The following SEMA6B variants were observed in gnomAD, a reference collection of about 807,000 sequenced individuals.
SEMA6B encodes semaphorin-6B.
Under a neutral mutation model 78.6 loss-of-function variants are expected in SEMA6B, and 47 were observed. The ratio of observed to expected loss-of-function variants is 0.60; its 90% confidence interval spans 0.47 to 0.76. The LOEUF (loss-of-function observed/expected upper bound fraction) is 0.76. Among genes scored for constraint, SEMA6B ranks in the 30% least tolerant of loss-of-function variants. The probability of loss-of-function intolerance (pLI) is 0.00; values close to 1 mark genes in which losing one functional copy is unlikely to be tolerated. For synonymous variants in SEMA6B, 632 were observed against 592.2 expected (o/e 1.07, Z -0.98); for missense variants, 1,213 against 1,269.9 (o/e 0.96, Z 0.68).
chr19:4,552,334 C>G lies in SEMA6B; in HGVS notation c.989+88G>C, dbSNP rs925385251. ...TAATCCAGTGGTGCCCAACCTAGCA[C>G]CCAGGGCATACCTGAGGAGTGAATA... is the stretch of plus-strand genomic sequence containing the variant. On this transcript the variant is annotated intron_variant, in intron 10 of 16. Transcript: ENST00000586582. This position sits in a 1 kb window ranked among gnomAD's most constrained non-coding sequence, Gnocchi z 7.4. 86 of 1,330,398 alleles carry G rather than the reference C, an allele frequency of 6.5e-5. No individual in the cohort carries two copies. Among genetic ancestry groups the G allele is most frequent in the African/African-American group, 2.9e-5 (2 of 68,358 alleles). 82.4% of individuals were successfully genotyped at this position (1,330,398 alleles called of 1,614,324 possible). A position where few individuals can be genotyped will look rare whatever the true frequency, so the allele number is the denominator to read the frequency against.
intron 14 of SEMA6B, among the ~76,000 whole-genome samples, 194 bp downstream of exon 14, chr19:4,547,833 A>C (rs954533742): frequency 6.8e-6 from 1 of 148,140 alleles, no homozygotes; most frequent in South Asian, 2.1e-4. Flanking sequence ...ACTGTGCTCC[A>C]GCCACACCGG....
intron 16 of SEMA6B, chr19:4,545,650 T>G (rs907309020): frequency 2.0e-5 from 3 of 152,156 alleles, no homozygotes; most frequent in African/African-American, 7.3e-5. Flanking sequence ...CCTTCTGTCC[T>G]GTTGAAGTTG....
intron 14 of SEMA6B, among the ~76,000 whole-genome samples, chr19:4,546,772 G>A (rs187404624): frequency 4.6e-5 from 7 of 151,666 alleles, no homozygotes; most frequent in Non-Finnish European, 8.8e-5. Flanking sequence ...TTACAGGCAC[G>A]CGCCACCATA....
At chr19:4,547,954 G>T in intron 14 of SEMA6B, 73 bp downstream of exon 14, 1 of 1,457,246 alleles carries the variant, frequency 6.9e-7, no homozygotes, top group Non-Finnish European at 9.1e-7. Flanking sequence ...CTTTTGACTG[G>T]AACCCAGCTG....
rs1375671726 is a variant in SEMA6B, at chr19:4,555,634, C to T, written c.472-70G>A. The T allele has an allele frequency of 7.8e-7, 1 of 1,287,066 alleles. No individual in the cohort carries two copies. The highest frequency in any genetic ancestry group is 1.1e-6 in the Non-Finnish European group (1 of 905,754). 79.7% of individuals were successfully genotyped at this position (1,287,066 alleles called of 1,614,324 possible). A position where few individuals can be genotyped will look rare whatever the true frequency, so the allele number is the denominator to read the frequency against. On this transcript the variant is annotated intron_variant, in intron 6 of 16. Coordinates refer to ENST00000586582, the MANE Select transcript of SEMA6B (RefSeq NM_032108.4). The surrounding 1 kb of genome is among the most constrained non-coding windows in gnomAD (Gnocchi z 6.1). ...CTAGCAGCCCCTGGCTCCCTCAGCCCCCCACTCCAGGGGGAATCCTGATCC... is the reference window on the plus strand; with the variant it reads ...CTAGCAGCCCCTGGCTCCCTCAGCCTCCCACTCCAGGGGGAATCCTGATCC...
At chr19:4,557,680 CA>C (rs566310738) in intron 3 of SEMA6B, among the ~76,000 whole-genome samples, 19 of 152,204 alleles carry the variant, frequency 1.2e-4, no homozygotes, top group Non-Finnish European at 2.2e-4. Context: ...CGTAATCTCA[CA>C]CTTGCTTCTC....
At position 4,544,473 on chromosome 19, in the gene SEMA6B, G is replaced by A. The variant is rs768709230; in HGVS notation, c.1795C>T (p.Leu599=). 6.3e-6 allele frequency: 10 copies of A among 1,596,402 alleles called. No individual in the cohort carries two copies. Among genetic ancestry groups the A allele is most frequent in the Non-Finnish European group, 8.5e-6 (10 of 1,172,562 alleles). Residue 599 remains leucine (L), a synonymous_variant, in exon 17 of 17, where the codon CTG becomes TTG. Transcript: ENST00000586582. This position sits in a 1 kb window ranked among gnomAD's most constrained non-coding sequence, Gnocchi z 5.1. Reference sequence around the variant, plus strand: ...AAGGCCGCCACCGACGACGTTACCAGCAGGTTCACCGACACCAGCCCCGCG... The same window carrying A: ...AAGGCCGCCACCGACGACGTTACCAACAGGTTCACCGACACCAGCCCCGCG... ...DRAGLVSVNL[L]VTSSVAAFVV...
chr19:4,554,423 GGAA>G lies in SEMA6B; in HGVS notation c.733_735del (p.Phe245del), dbSNP rs749766243. On this transcript the variant is annotated inframe_deletion, in exon 9 of 17. Transcript: ENST00000586582. ...TAGTTAAACTCCATCGCAATCTCCC[GGAA>G]GAAGAAGTAGACATGGCTGCCCCAC... 5 of 1,613,912 alleles carry G rather than the reference GGAA, an allele frequency of 3.1e-6. No homozygotes were observed. Among genetic ancestry groups the G allele is most frequent in the Non-Finnish European group, 4.2e-6 (5 of 1,179,964 alleles).
intron 16 of SEMA6B, 152 bp downstream of exon 16, chr19:4,546,064 C>CT: frequency 1.3e-6 from 1 of 778,516 alleles, no homozygotes; most frequent in Non-Finnish European, 2.0e-6. Flanking sequence ...AGCCACCGCG[C>CT]CCGGCCCACC....
intron 14 of SEMA6B, among the ~76,000 whole-genome samples, chr19:4,547,757 C>T (rs900500630): frequency 2.0e-5 from 3 of 150,668 alleles, no homozygotes; most frequent in African/African-American, 7.4e-5. Flanking sequence ...CAAAGCTCTG[C>T]ACAAACTGCC....
In SEMA6B at chr19:4,550,164, G is replaced by A; in HGVS notation, c.1230C>T (p.Pro410=). The A allele has an allele frequency of 6.2e-7, 1 of 1,613,842 alleles. No individual in the cohort carries two copies. The highest frequency in any genetic ancestry group is 2.2e-5 in the East Asian group (1 of 44,870). Residue 410 remains proline (P), a synonymous_variant, in exon 12 of 17, where the codon CCC becomes CCT. Coordinates refer to ENST00000586582, the MANE Select transcript of SEMA6B (RefSeq NM_032108.4). The surrounding 1 kb of genome is among the most constrained non-coding windows in gnomAD (Gnocchi z 6.6). ...KTHPLMDEAV[P]SLGHAPWILR... ...GGATCCAGGGCGCATGGCCCAGCGA[G>A]GGCACCGCCTCGTCCATCAGAGGGT...
At position 4,550,853 on chromosome 19, in the gene SEMA6B, T is replaced by C; in HGVS notation, c.1067A>G (p.Lys356Arg). The C allele has an allele frequency of 1.2e-6, 2 of 1,613,530 alleles. No homozygotes were observed. Reference protein sequence around the residue: ...AVFEGRFREQKSPESIWTPVP... With the variant: ...AVFEGRFREQRSPESIWTPVP... ...CGGCGTCCAGATGGACTCGGGGGAC[T>C]TCTGCTCTCGGAAGCGGCCTTCAAA... The change falls in exon 11 of 17, where the codon AAG becomes AGG. Residue 356 changes from lysine to arginine, a missense_variant. Transcript: ENST00000586582. This position sits in a 1 kb window ranked among gnomAD's most constrained non-coding sequence, Gnocchi z 6.6.
Position 4,559,177 on chromosome 19 carries a change from G to C in SEMA6B, c.-33+353C>G, listed in dbSNP as rs542852161. Reference sequence around the variant, plus strand: ...CCACTGCACTCCAGCCTGGGCAACAGAGCAAGACTCCATCCAAAAAAAAAA... The same window carrying C: ...CCACTGCACTCCAGCCTGGGCAACACAGCAAGACTCCATCCAAAAAAAAAA... On this transcript the variant is annotated intron_variant, in intron 1 of 16. Coordinates refer to ENST00000586582, the MANE Select transcript of SEMA6B (RefSeq NM_032108.4). Among the ~76,000 whole-genome samples, 58 of 124,502 alleles carry C rather than the reference G, an allele frequency of 4.7e-4. No individual in the cohort carries two copies. The East Asian group carries it at 0.014, about 29-fold the overall frequency. The allele number at this position is 124,502 out of a possible 152,430, so 81.7% of individuals were successfully genotyped here.
chr19:4,559,098 G>A (rs1053867283), intron 1 of SEMA6B, among the ~76,000 whole-genome samples: 8 of 151,682 alleles, frequency 5.3e-5, no homozygotes, highest in Non-Finnish European at 7.4e-5. Context: ...GAGAGCTGAG[G>A]CAGGAGAATC....
In SEMA6B at chr19:4,544,349, A is replaced by G. The variant is rs1977108300; in HGVS notation, c.1919T>C (p.Leu640Pro). The G allele has an allele frequency of 1.3e-6, 2 of 1,555,736 alleles. No individual in the cohort carries two copies. Among genetic ancestry groups the G allele is most frequent in the Non-Finnish European group, 1.7e-6 (2 of 1,155,348 alleles). Residue 640 changes from leucine to proline, a missense_variant, in exon 17 of 17, where the codon CTG (leucine) becomes CCG (proline). Transcript: ENST00000586582. This position sits in a 1 kb window ranked among gnomAD's most constrained non-coding sequence, Gnocchi z 5.1. ...CACCGCCTCGCCCGCCCCGTGCGCC[A>G]GGATGGCCTCCTTGTCCTTGCGCCG... ...LARRKDKEAILAHGAGEAVLS... is the reference protein window; with the variant it reads ...LARRKDKEAIPAHGAGEAVLS...
At chr19:4,549,222 G>A (rs1306054902) in intron 12 of SEMA6B, among the ~76,000 whole-genome samples, 1 of 150,318 alleles carries the variant, frequency 6.7e-6, no homozygotes, top group Non-Finnish European at 1.5e-5. Flanking sequence ...GTGTCTGTCT[G>A]TCTCTGATTG....
Position 4,554,405 on chromosome 19 carries a change from A to C in SEMA6B, c.754T>G (p.Phe252Val), listed in dbSNP as rs1479008496. ...YFFFREIAME[F>V]NYLEKVVVSR... The stretch of plus-strand genomic sequence containing the variant: ...GGCCTCACCTTCTCCAGGTAGTTAA[A>C]CTCCATCGCAATCTCCCGGAAGAAG... The change falls in exon 9 of 17, where the codon TTT becomes GTT. Residue 252 changes from phenylalanine (F) to valine (V), a missense_variant. Coordinates refer to ENST00000586582, the MANE Select transcript of SEMA6B (RefSeq NM_032108.4). 6.2e-7 allele frequency: 1 copy of C among 1,613,490 alleles called. No individual in the cohort carries two copies. The highest frequency in any genetic ancestry group is 1.7e-5 in the Admixed American group (1 of 59,958).
At chr19:4,548,626 C>T (rs1977237657) in intron 12 of SEMA6B, among the ~76,000 whole-genome samples, 181 bp from the exon 13 acceptor site, 1 of 152,242 alleles carries the variant, frequency 6.6e-6, no homozygotes, top group South Asian at 2.1e-4. Flanking sequence ...CGTGGGCACA[C>T]TCGCCCTTTT....
intron 3 of SEMA6B, among the ~76,000 whole-genome samples, chr19:4,557,811 C>A (rs1301393004): frequency 6.6e-6 from 1 of 152,148 alleles, no homozygotes; most frequent in Non-Finnish European, 1.5e-5. Flanking sequence ...CACCAGAGGG[C>A]GGGCGCGTGT....
Sources: allele counts gnomAD v4.1 joint callset (sites outside exome capture counted in the v4.1 genomes callset), GRCh38; gene constraint gnomAD v4.1.1; non-coding constraint Gnocchi (gnomAD v3.1); transcripts MANE v1.5; gene names NCBI Gene and HGNC (gene_info 2026-07-23, HGNC 2026-07-21).